COL26A1: variants seen among roughly 807,000 people sequenced by gnomAD.
COL26A1 encodes collagen alpha-1(XXVI) chain.
COL26A1 carries 41 observed loss-of-function variants against 59.3 expected under a neutral mutation model. The observed-to-expected ratio is 0.69, with a 90% CI of 0.54 to 0.90. COL26A1 has a LOEUF of 0.90. Among genes scored for constraint, COL26A1 ranks in the 40% least tolerant of loss-of-function variants. COL26A1 has a pLI of 0.00. For missense variants in COL26A1, 612 were observed against 602.3 expected (o/e 1.02, Z -0.17); for synonymous variants, 266 against 256.0 (o/e 1.04, Z -0.37).
intron 2 of COL26A1, among the ~76,000 whole-genome samples, chr7:101,423,279 A>G (rs1299912888): frequency 6.6e-6 from 1 of 151,782 alleles, no homozygotes; most frequent in Non-Finnish European, 1.5e-5. Context: ...ACAAAAACCA[A>G]ACAAAAAAAA....
intron 3 of COL26A1, among the ~76,000 whole-genome samples, chr7:101,496,906 G>A (rs1794601349): frequency 6.6e-6 from 1 of 151,610 alleles, no homozygotes; most frequent in South Asian, 2.1e-4. Flanking sequence ...AAGAATTCAG[G>A]GTGAGTCTGT....
chr7:101,433,673 A>G (rs1792833568), intron 2 of COL26A1, among the ~76,000 whole-genome samples: 1 of 151,868 alleles, frequency 6.6e-6, no homozygotes, highest in African/African-American at 2.4e-5. Context: ...GCAGGCGGGG[A>G]AAGGACAGCT....
chr7:101,513,046 G>T (rs1467076893), intron 3 of COL26A1, among the ~76,000 whole-genome samples: 1 of 151,658 alleles, frequency 6.6e-6, no homozygotes, highest in Non-Finnish European at 1.5e-5. Flanking sequence ...TCGCTCTGTC[G>T]CCCAGACTAG....
chr7:101,403,666 C>T (rs908834814), intron 1 of COL26A1, among the ~76,000 whole-genome samples: 4 of 152,144 alleles, frequency 2.6e-5, no homozygotes, highest in African/African-American at 7.2e-5. Flanking sequence ...CATGAACCAC[C>T]GTGCCCAGCC....
intron 1 of COL26A1, among the ~76,000 whole-genome samples, chr7:101,367,088 C>T (rs961334179): frequency 1.3e-5 from 2 of 152,116 alleles, no homozygotes; most frequent in African/African-American, 4.8e-5. Flanking sequence ...GATCCTCTGC[C>T]CCCTGTATCT....
chr7:101,398,158 T>G (rs1359286060), intron 1 of COL26A1, among the ~76,000 whole-genome samples: 1 of 152,248 alleles, frequency 6.6e-6, no homozygotes, highest in East Asian at 1.9e-4. Context: ...ACTATTCCAC[T>G]GCAGGAATCC....
intron 3 of COL26A1, among the ~76,000 whole-genome samples, chr7:101,465,415 A>C (rs574540058): frequency 6.6e-6 from 1 of 152,048 alleles, no homozygotes; most frequent in Non-Finnish European, 1.5e-5. Flanking sequence ...TTTCCCTCTC[A>C]CACTCCAGTG....
At chr7:101,390,603 T>C (rs1322838281) in intron 1 of COL26A1, among the ~76,000 whole-genome samples, 1 of 152,028 alleles carries the variant, frequency 6.6e-6, no homozygotes, top group Non-Finnish European at 1.5e-5. Context: ...TTTTTAAATT[T>C]TTTGAGAAAT....
intron 4 of COL26A1, among the ~76,000 whole-genome samples, 200 bp downstream of exon 4, chr7:101,533,343 C>T (rs1466938641): frequency 1.3e-5 from 2 of 151,948 alleles, no homozygotes; most frequent in Admixed American, 6.6e-5. Context: ...TGGGAGGTCC[C>T]GGGCAGCAGG....
chr7:101,384,012 G>GTTTA (rs1554403502), intron 1 of COL26A1, among the ~76,000 whole-genome samples: 3 of 151,666 alleles, frequency 2.0e-5, no homozygotes, highest in African/African-American at 7.3e-5. Context: ...TTGCAAGTTT[G>GTTTA]TTTATTTATT....
intron 2 of COL26A1, among the ~76,000 whole-genome samples, chr7:101,432,519 A>G (rs1255689560): frequency 2.6e-5 from 4 of 152,010 alleles, no homozygotes; most frequent in African/African-American, 9.7e-5. Context: ...GGACACTGGG[A>G]GGATGTCAGG....
At chr7:101,493,650 C>T (rs1188250944) in intron 3 of COL26A1, among the ~76,000 whole-genome samples, 5 of 149,830 alleles carry the variant, frequency 3.3e-5, no homozygotes, top group South Asian at 2.1e-4. Flanking sequence ...TGGCCGGGCG[C>T]GGTAGCTCAC....
intron 1 of COL26A1, among the ~76,000 whole-genome samples, chr7:101,414,181 C>G (rs1053203365): frequency 6.6e-6 from 1 of 152,094 alleles, no homozygotes; most frequent in African/African-American, 2.4e-5. Context: ...TTTTTGGAAG[C>G]CATTTCCAGC....
chr7:101,549,173 C>A lies in COL26A1; in HGVS notation c.943C>A (p.Pro315Thr). The A allele has an allele frequency of 2.5e-6, 4 of 1,587,572 alleles. No individual in the cohort carries two copies. Among genetic ancestry groups the A allele is most frequent in the Non-Finnish European group, 3.4e-6 (4 of 1,167,674 alleles). Residue 315 changes from proline (P) to threonine (T), a missense_variant and splice_region_variant, in exon 9 of 13, where the codon CCC (proline) becomes ACC (threonine). Pro to Thr is a conservative substitution (Grantham distance 38, BLOSUM62 -1). Coordinates refer to ENST00000313669, the MANE Select transcript of COL26A1 (RefSeq NM_001278563.3). ...GPRGPPGPPG[P>T]PGPRGPPGPP... Reference sequence around the variant, plus strand: ...ACCATCTGTGACTCTGCCCACAGGTCCCCCTGGGCCTCGAGGTCCCCCAGG... The same window carrying A: ...ACCATCTGTGACTCTGCCCACAGGTACCCCTGGGCCTCGAGGTCCCCCAGG...
At chr7:101,412,680 A>G (rs1372605996) in intron 1 of COL26A1, among the ~76,000 whole-genome samples, 1 of 148,808 alleles carries the variant, frequency 6.7e-6, no homozygotes, top group African/African-American at 2.5e-5. Flanking sequence ...GGGTATAGAT[A>G]TGAGTGCAGC....
In COL26A1 at chr7:101,417,606, A is replaced by ATC. The variant is rs1473882359; in HGVS notation, c.159-2369_159-2368dup. Among the ~76,000 whole-genome samples the ATC allele has an allele frequency of 9.9e-4, 138 of 138,792 alleles. 33 individuals are homozygous for ATC. The highest frequency in any genetic ancestry group is 3.2e-3 in the African/African-American group (127 of 39,250). 91.1% of individuals were successfully genotyped at this position (138,792 alleles called of 152,430 possible). On this transcript the variant is annotated intron_variant, in intron 1 of 12. Coordinates refer to ENST00000313669, the MANE Select transcript of COL26A1 (RefSeq NM_001278563.3). ...TCTACATATCTATAGATACAGGTAT[A>ATC]TCTATATATCTAGACATAGATATAG... is the stretch of plus-strand genomic sequence containing the variant.
intron 1 of COL26A1, among the ~76,000 whole-genome samples, chr7:101,375,084 T>TA (rs888557943): frequency 1.3e-4 from 20 of 149,678 alleles, no homozygotes; most frequent in East Asian, 3.9e-4. Context: ...TTTAAATAAA[T>TA]AAAAAAAAAG....
At chr7:101,554,184 CA>C (rs1220077275) in intron 11 of COL26A1, among the ~76,000 whole-genome samples, 2 of 151,650 alleles carry the variant, frequency 1.3e-5, no homozygotes, top group Non-Finnish European at 2.9e-5. Flanking sequence ...ATGGGGCCGG[CA>C]GGGGGGGCCT....
intron 6 of COL26A1, 90 bp downstream of exon 6, chr7:101,544,186 AC>A: frequency 1.0e-6 from 1 of 954,230 alleles, no homozygotes; most frequent in Non-Finnish European, 1.6e-6. Context: ...TGTCCCACGC[AC>A]CCACAGCCCT....
Sources: gnomAD v4.1 joint callset for allele counts (sites outside exome capture counted in the v4.1 genomes callset) on GRCh38, gnomAD v4.1.1 for gene constraint, MANE v1.5 for transcripts, NCBI Gene and HGNC (gene_info 2026-07-23, HGNC 2026-07-21) for gene names.